Variants in CEP135 observed in about 807,000 individuals in gnomAD.
CEP135 encodes the protein centrosomal protein of 135 kDa.
A neutral mutation model predicts 157.3 loss-of-function variants in CEP135; 142 were observed. That is an observed-to-expected ratio of 0.90 (90% CI 0.79 to 1.04). The LOEUF (loss-of-function observed/expected upper bound fraction) is 1.04, where lower values mean the gene tolerates loss of function less well. Ranked by LOEUF, CEP135 falls within the 50% of genes least tolerant of loss-of-function variation. The pLI is 0.00. For synonymous variants in CEP135, 396 were observed against 439.8 expected (o/e 0.90, Z 1.25); for missense variants, 1,317 against 1,309.2 (o/e 1.01, Z -0.09).
rs73155552 is a variant in CEP135, at chr4:55,954,401, C to T, written c.472+18C>T. 1,416 of 1,571,710 alleles carry T rather than the reference C, an allele frequency of 9.0e-4. 4 individuals are homozygous for T. Among genetic ancestry groups the T allele is most frequent in the African/African-American group, 6.6e-3 (480 of 72,890 alleles). On this transcript the variant is annotated intron_variant, in intron 4 of 25. Transcript: ENST00000257287. ...AACTCCAGGTAAATCGATTCCTTCT[C>T]GAGACAAATTATACACATTTAATCT...
At chr4:55,958,733 A>G (rs1728582468) in intron 5 of CEP135, among the ~76,000 whole-genome samples, 1 of 152,120 alleles carries the variant, frequency 6.6e-6, no homozygotes, top group African/African-American at 2.4e-5. Flanking sequence ...AGTTAACATC[A>G]GGTACAAGCC....
At position 55,971,413 on chromosome 4, in the gene CEP135, G is replaced by A. The variant is rs774034582; in HGVS notation, c.1249+5G>A. On this transcript the variant is annotated splice_donor_5th_base_variant and intron_variant, in intron 10 of 25. Transcript: ENST00000257287. ...TTGAAAGTTTTGCAGTTACAGGTAA[G>A]ATGTCAAATTTTGATAGCTAAAGAA... 2 of 1,587,042 alleles carry A rather than the reference G, an allele frequency of 1.3e-6. No individual in the cohort carries two copies. The highest frequency in any genetic ancestry group is 1.7e-6 in the Non-Finnish European group (2 of 1,171,968).
chr4:55,951,105 A>G (rs1299766223), intron 1 of CEP135, among the ~76,000 whole-genome samples: 1 of 152,132 alleles, frequency 6.6e-6, no homozygotes, highest in African/African-American at 2.4e-5. Context: ...AGTTCCTTTT[A>G]TCCCTTAGTA....
intron 17 of CEP135, among the ~76,000 whole-genome samples, chr4:56,001,592 C>G (rs1730171896): frequency 6.6e-6 from 1 of 151,952 alleles, no homozygotes; most frequent in African/African-American, 2.4e-5. Context: ...ATCTGGGTCC[C>G]CTATTATGTT....
intron 6 of CEP135, among the ~76,000 whole-genome samples, chr4:55,962,390 A>G (rs185874703): frequency 7.2e-5 from 11 of 152,170 alleles, no homozygotes; most frequent in African/African-American, 2.4e-4. Context: ...GTGAGCCACT[A>G]TGCCCGGCCA....
At chr4:55,957,653 T>C (rs2109645396) in intron 5 of CEP135, among the ~76,000 whole-genome samples, 1 of 152,372 alleles carries the variant, frequency 6.6e-6, no homozygotes, top group South Asian at 2.1e-4. Flanking sequence ...TTGTGTTGTC[T>C]CCAAATAAGA....
intron 17 of CEP135, among the ~76,000 whole-genome samples, chr4:56,004,381 C>T (rs2109721352): frequency 6.6e-6 from 1 of 152,280 alleles, no homozygotes; most frequent in South Asian, 2.1e-4. Flanking sequence ...ATTTATTCTG[C>T]AGCAGTTGGG....
Position 55,959,719 on chromosome 4 carries a change from G to C in CEP135, c.652G>C (p.Glu218Gln). 1 of 1,614,114 alleles carries C rather than the reference G, an allele frequency of 6.2e-7. No homozygotes were observed. The highest frequency in any genetic ancestry group is 8.5e-7 in the Non-Finnish European group (1 of 1,179,962). ...ELQQEVHQLQEKLAMMESGVR... is the reference protein window; with the variant it reads ...ELQQEVHQLQQKLAMMESGVR... ...TCAACAGGAAGTCCACCAGCTACAA[G>C]AAAAGTTAGCAATGATGGAAAGTGG... Residue 218 changes from glutamate to glutamine, a missense_variant, in exon 6 of 26, where the codon GAA becomes CAA. Transcript: ENST00000257287.
At chr4:55,978,363 A>G (rs1000655319) in intron 11 of CEP135, among the ~76,000 whole-genome samples, 2 of 152,260 alleles carry the variant, frequency 1.3e-5, no homozygotes, top group Admixed American at 6.5e-5. Flanking sequence ...AAGAAAGTAC[A>G]GAAAATATTC....
At chr4:56,024,684 C>T (rs1731093661) in intron 25 of CEP135, 70 bp downstream of exon 25, 1 of 1,090,010 alleles carries the variant, frequency 9.2e-7, no homozygotes, top group African/African-American at 1.6e-5. Context: ...TAGTTTTCTG[C>T]ATCAGGAAAG....
At chr4:56,022,471 TA>T (rs1731003469) in intron 24 of CEP135, among the ~76,000 whole-genome samples, 1 of 152,184 alleles carries the variant, frequency 6.6e-6, no homozygotes, top group South Asian at 2.1e-4. Context: ...CCACAGGACA[TA>T]AGCAGTGTAT....
rs185646894 is a variant in CEP135, at chr4:56,015,052, A to G, written c.2803-2596A>G. ...GTAAGACCTTGTCTCAAAAAAAAGGAAAAAAAAATAAACCAGGACTTGATG... is the reference window on the plus strand; with the variant it reads ...GTAAGACCTTGTCTCAAAAAAAAGGGAAAAAAAATAAACCAGGACTTGATG... On this transcript the variant is annotated intron_variant, in intron 21 of 25. Transcript: ENST00000257287. 2.9e-3 allele frequency among the ~76,000 whole-genome samples: 442 copies of G among 151,370 alleles called. 2 individuals are homozygous for G. Among genetic ancestry groups the G allele is most frequent in the African/African-American group, 9.8e-3 (403 of 41,274 alleles).
Position 55,965,663 on chromosome 4 carries a change from C to CTAA in CEP135, c.852_854dup (p.Asn284dup), listed in dbSNP as rs1293111012. On this transcript the variant is annotated inframe_insertion, in exon 8 of 26. Coordinates refer to ENST00000257287, the MANE Select transcript of CEP135 (RefSeq NM_025009.5). ...ATTTAGGTTGACTTTCTTCAGCAAGCTAATAAAGACCTGGAGAAGCGTATA... is the reference window on the plus strand; with the variant it reads ...ATTTAGGTTGACTTTCTTCAGCAAGCTAATAATAAAGACCTGGAGAAGCGTATA... 4.4e-6 allele frequency: 7 copies of CTAA among 1,606,950 alleles called. No individual in the cohort carries two copies. Among genetic ancestry groups the CTAA allele is most frequent in the Non-Finnish European group, 5.1e-6 (6 of 1,178,204 alleles).
chr4:55,986,862 A>G (rs770265674), intron 14 of CEP135, among the ~76,000 whole-genome samples: 82 of 152,118 alleles, frequency 5.4e-4, no homozygotes, highest in Non-Finnish European at 1.1e-3. Flanking sequence ...TTGCCTTCTA[A>G]TTCTGTCATC....
At chr4:56,003,261 C>A (rs1241258567) in intron 17 of CEP135, among the ~76,000 whole-genome samples, 2 of 152,094 alleles carry the variant, frequency 1.3e-5, no homozygotes, top group Non-Finnish European at 2.9e-5. Context: ...GATCTTGGCT[C>A]ACTGCAAGCT....
At chr4:55,958,357 C>G (rs1342564511) in intron 5 of CEP135, among the ~76,000 whole-genome samples, 1 of 152,140 alleles carries the variant, frequency 6.6e-6, no homozygotes, top group African/African-American at 2.4e-5. Flanking sequence ...ATCGCTTGAA[C>G]CTGGGAGGCA....
chr4:55,970,183 T>C (rs1354189765), intron 9 of CEP135, among the ~76,000 whole-genome samples: 2 of 152,132 alleles, frequency 1.3e-5, no homozygotes, highest in African/African-American at 4.8e-5. Context: ...AGTCCTCTTT[T>C]AATAGCTTTG....
chr4:56,031,131 C>CTAAA (rs558510777), intron 25 of CEP135, among the ~76,000 whole-genome samples: 2,086 of 151,588 alleles, frequency 0.014, 29 homozygotes, highest in African/African-American at 0.025. Flanking sequence ...GACCCTATCT[C>CTAAA]TAAATAAATA....
At chr4:55,978,439 G>C (rs1165847874) in intron 11 of CEP135, among the ~76,000 whole-genome samples, 2 of 152,176 alleles carry the variant, frequency 1.3e-5, no homozygotes, top group Non-Finnish European at 2.9e-5. Flanking sequence ...GAATTCCTTG[G>C]AGAAAGTGAC....
Sources: allele counts gnomAD v4.1 joint callset (sites outside exome capture counted in the v4.1 genomes callset), GRCh38; gene constraint gnomAD v4.1.1; transcripts MANE v1.5; gene names NCBI Gene and HGNC (gene_info 2026-07-23, HGNC 2026-07-21).